SLC43A2: variants seen among roughly 807,000 people sequenced by gnomAD.
SLC43A2 encodes the protein large neutral amino acids transporter small subunit 4.
Under a neutral mutation model 63.2 loss-of-function variants are expected in SLC43A2, and 38 were observed. The observed-to-expected ratio is 0.60, with a 90% CI of 0.46 to 0.79. The LOEUF is 0.79. SLC43A2 is among the 30% of genes least tolerant of loss of function. SLC43A2 has a pLI of 0.00. For missense variants in SLC43A2, 644 were observed against 756.2 expected (o/e 0.85, Z 1.74); for synonymous variants, 322 against 331.0 (o/e 0.97, Z 0.30).
In SLC43A2 at chr17:1,606,589, C is replaced by T. The variant is rs919507488; in HGVS notation, c.501+6606G>A. Among the ~76,000 whole-genome samples the T allele has an allele frequency of 1.3e-5, 2 of 152,198 alleles. No homozygotes were observed. The highest frequency in any genetic ancestry group is 4.8e-5 in the African/African-American group (2 of 41,446). ...TCCCATCTCTAAGCAACCCAGGCTC[C>T]GGGTTGGAGGGTGGCGACCCCAAGA... is the stretch of plus-strand genomic sequence containing the variant. On this transcript the variant is annotated intron_variant, in intron 5 of 13. Coordinates refer to ENST00000301335, the MANE Select transcript of SLC43A2 (RefSeq NM_152346.3). This position sits in a 1 kb window ranked among gnomAD's most constrained non-coding sequence, Gnocchi z 4.7.
At chr17:1,596,648 C>T (rs1905300917) in intron 5 of SLC43A2, among the ~76,000 whole-genome samples, 1 of 151,892 alleles carries the variant, frequency 6.6e-6, no homozygotes, top group South Asian at 2.1e-4. Flanking sequence ...GGTGCGATCT[C>T]GGCCCACTCC....
At chr17:1,623,118 C>G (rs990280700) in intron 2 of SLC43A2, among the ~76,000 whole-genome samples, 3 of 152,162 alleles carry the variant, frequency 2.0e-5, no homozygotes, top group African/African-American at 7.2e-5. Flanking sequence ...TCCTCCCCAT[C>G]CCCCAAGAAA....
chr17:1,621,946 C>T (rs1021805205), intron 2 of SLC43A2, among the ~76,000 whole-genome samples: 4 of 152,242 alleles, frequency 2.6e-5, no homozygotes, highest in African/African-American at 9.6e-5. Flanking sequence ...CCCTGAATAT[C>T]GCTTGGTGGG....
chr17:1,594,809 G>T (rs12939032), intron 5 of SLC43A2, among the ~76,000 whole-genome samples: 8,098 of 150,866 alleles, frequency 0.054, 740 homozygotes, highest in African/African-American at 0.18. Flanking sequence ...AGGATGGTCT[G>T]GATCTCCTGA....
chr17:1,624,585 T>G (rs1396191208), intron 2 of SLC43A2, among the ~76,000 whole-genome samples: 1 of 151,116 alleles, frequency 6.6e-6, no homozygotes, highest in Non-Finnish European at 1.5e-5. Context: ...GCACCTGTAA[T>G]CCCAAAAACA....
At chr17:1,623,509 C>T (rs1908348987) in intron 2 of SLC43A2, among the ~76,000 whole-genome samples, 1 of 152,150 alleles carries the variant, frequency 6.6e-6, no homozygotes, top group Admixed American at 6.5e-5. Flanking sequence ...GGTCGCCCTC[C>T]TCTATCTCCC....
chr17:1,608,704 T>C (rs1194352818), intron 5 of SLC43A2, among the ~76,000 whole-genome samples: 3 of 151,980 alleles, frequency 2.0e-5, no homozygotes, highest in Non-Finnish European at 4.4e-5. Flanking sequence ...ACCGCAGTGG[T>C]TTTTAGCCTT....
At chr17:1,584,225 A>G (rs2076066349) in intron 10 of SLC43A2, among the ~76,000 whole-genome samples, 1 of 151,970 alleles carries the variant, frequency 6.6e-6, no homozygotes, top group Non-Finnish European at 1.5e-5. Flanking sequence ...TCGTGAATGA[A>G]CGATTACCGA....
At chr17:1,617,300 C>T (rs1432095807) in intron 2 of SLC43A2, among the ~76,000 whole-genome samples, 1 of 152,212 alleles carries the variant, frequency 6.6e-6, no homozygotes, top group Non-Finnish European at 1.5e-5. Flanking sequence ...CTCCTCTGTC[C>T]ATGTGGGGAG....
At chr17:1,576,951 G>A (rs1436056080) in intron 12 of SLC43A2, among the ~76,000 whole-genome samples, 4 of 148,428 alleles carry the variant, frequency 2.7e-5, no homozygotes, top group African/African-American at 1.0e-4. Flanking sequence ...TGCAACCTCC[G>A]CCTCCCCAGT....
At chr17:1,587,047 G>A (rs2076113659) in intron 9 of SLC43A2, 2 of 1,371,006 alleles carry the variant, frequency 1.5e-6, no homozygotes, top group Admixed American at 2.1e-5. Flanking sequence ...GGGAGAGGAG[G>A]CAGGCTCACT....
rs1359207573 is a variant in SLC43A2, at chr17:1,577,504, A to G, written c.1424+746T>C. On this transcript the variant is annotated intron_variant, in intron 12 of 13. Transcript: ENST00000301335. The surrounding 1 kb of genome is among the most constrained non-coding windows in gnomAD (Gnocchi z 4.9). ...GCGGAGGGCAAGCGGAGCTGGGATTACCCCAGGGGCTGTTGCGGGAATTGG... is the reference window on the plus strand; with the variant it reads ...GCGGAGGGCAAGCGGAGCTGGGATTGCCCCAGGGGCTGTTGCGGGAATTGG... 6.6e-6 allele frequency among the ~76,000 whole-genome samples: 1 copy of G among 152,130 alleles called. No individual in the cohort carries two copies. The highest frequency in any genetic ancestry group is 1.5e-5 in the Non-Finnish European group (1 of 68,026).
chr17:1,600,304 C>A (rs552466949), intron 5 of SLC43A2, among the ~76,000 whole-genome samples: 1 of 144,042 alleles, frequency 6.9e-6, no homozygotes, highest in East Asian at 2.2e-4. Flanking sequence ...GTGCCTGCCA[C>A]GACGCCTGGC....
Position 1,614,896 on chromosome 17 carries a change from G to A in SLC43A2, c.424+83C>T, listed in dbSNP as rs192299327. On this transcript the variant is annotated intron_variant, in intron 4 of 13. Transcript: ENST00000301335. ...CAGGGAGCAGCAGGCCCAGGACAGT[G>A]TCCAAGAGCAGGTGGGCCTGGGAGC... 4.5e-4 allele frequency: 628 copies of A among 1,409,658 alleles called. 5 individuals carry two copies. In the Admixed American group the frequency reaches 0.01, roughly 23 times the overall value. 87.3% of individuals were successfully genotyped at this position (1,409,658 alleles called of 1,614,324 possible).
chr17:1,581,937 G>A (rs11871898), intron 11 of SLC43A2, among the ~76,000 whole-genome samples: 111 of 151,076 alleles, frequency 7.3e-4, no homozygotes, highest in African/African-American at 2.6e-3. Flanking sequence ...CTCCTGAGTA[G>A]CTGGGATTAC....
intron 10 of SLC43A2, chr17:1,585,512 T>G: frequency 2.3e-6 from 1 of 433,294 alleles, no homozygotes; most frequent in Non-Finnish European, 4.0e-6. Flanking sequence ...TTCCAAAGTG[T>G]TGGTATTATA....
rs375311814 is a variant in SLC43A2 at position 1,575,785 on chromosome 17, G to A, written c.1549-20C>T. 4.7e-5 allele frequency: 75 copies of A among 1,596,768 alleles called. No individual in the cohort carries two copies. Among genetic ancestry groups the A allele is most frequent in the East Asian group, 6.8e-5 (3 of 44,324 alleles). On this transcript the variant is annotated intron_variant, in intron 13 of 13. Coordinates refer to ENST00000301335, the MANE Select transcript of SLC43A2 (RefSeq NM_152346.3). ...GTTCACCTGGGGAGGCAGGGAGGCC[G>A]CGCATCACAGGGCGTGGTGGTGCGC...
Position 1,576,652 on chromosome 17 carries a change from AGAAGGGCGAAGAGC to A in SLC43A2, c.1479_1492del (p.Leu494AlafsTer55), listed in dbSNP as rs772202925. The A allele has an allele frequency of 6.2e-7, 1 of 1,610,858 alleles. No individual in the cohort carries two copies. The highest frequency in any genetic ancestry group is 8.5e-7 in the Non-Finnish European group (1 of 1,179,972). The stretch of plus-strand genomic sequence containing the variant: ...CATGGCCAGAAACAGCGGCTGCTGC[AGAAGGGCGAAGAGC>A]GCGCTGATCAGAGACTGCAGTCCCG... On this transcript the variant is annotated frameshift_variant, in exon 13 of 14. Coordinates refer to ENST00000301335, the MANE Select transcript of SLC43A2 (RefSeq NM_152346.3). LOFTEE classifies it high-confidence loss of function.
Position 1,614,979 on chromosome 17 carries a change from C to T in SLC43A2, c.424G>A (p.Ala142Thr), listed in dbSNP as rs771798803. 2.0e-5 allele frequency: 33 copies of T among 1,613,752 alleles called. No homozygotes were observed. The highest frequency in any genetic ancestry group is 1.6e-4 in the Middle Eastern group (1 of 6,084). Reference protein sequence around the residue: ...LIAYGASKPNALSVLIFIALA... With the variant: ...LIAYGASKPNTLSVLIFIALA... ...GAAGATGGAGGGAGAGGACACTCAC[C>T]GTTTGGTTTACTTGCTCCGTACGCA... The change falls in exon 4 of 14, where the codon GCT (alanine) becomes ACT (threonine). Residue 142 changes from alanine to threonine, a missense_variant and splice_region_variant. Coordinates refer to ENST00000301335, the MANE Select transcript of SLC43A2 (RefSeq NM_152346.3).
Sources: gnomAD v4.1 joint callset for allele counts (sites outside exome capture counted in the v4.1 genomes callset) on GRCh38, gnomAD v4.1.1 for gene constraint, Gnocchi (gnomAD v3.1) non-coding constraint, MANE v1.5 for transcripts, NCBI Gene and HGNC (gene_info 2026-07-23, HGNC 2026-07-21) for gene names.